STAG1: variants seen among roughly 807,000 people sequenced by gnomAD.
The protein encoded by STAG1 is STAG1 cohesin complex component.
A neutral mutation model predicts 170.9 loss-of-function variants in STAG1; 26 were observed. That is an observed-to-expected ratio of 0.15 (90% CI 0.11 to 0.21). The LOEUF (loss-of-function observed/expected upper bound fraction) is 0.21, where lower values mean the gene tolerates loss of function less well. Ranked by LOEUF, STAG1 falls within the 10% of genes least tolerant of loss-of-function variation. The pLI is 1.00. For missense variants in STAG1, 964 were observed against 1,509.5 expected (o/e 0.64, Z 5.99); for synonymous variants, 514 against 497.7 (o/e 1.03, Z -0.44).
intron 7 of STAG1, among the ~76,000 whole-genome samples, chr3:136,515,693 A>T (rs1934338212): frequency 6.6e-6 from 1 of 152,206 alleles, no homozygotes; most frequent in Non-Finnish European, 1.5e-5. Flanking sequence ...ATAGAACGTA[A>T]AAGACAATAA....
chr3:136,463,816 C>T (rs1174336809), intron 13 of STAG1, among the ~76,000 whole-genome samples: 1 of 138,062 alleles, frequency 7.2e-6, no homozygotes, highest in Non-Finnish European at 1.5e-5. Flanking sequence ...CATATATACA[C>T]ATATATTCAT....
intron 14 of STAG1, among the ~76,000 whole-genome samples, 187 bp downstream of exon 14, chr3:136,451,846 A>G (rs1406996481): frequency 6.6e-6 from 1 of 152,106 alleles, no homozygotes; most frequent in East Asian, 1.9e-4. Flanking sequence ...GTTGATCCAC[A>G]CCTACATATA....
intron 21 of STAG1, among the ~76,000 whole-genome samples, chr3:136,400,079 C>T (rs1179773314): frequency 6.6e-6 from 1 of 151,826 alleles, no homozygotes; most frequent in Admixed American, 6.6e-5. Flanking sequence ...TGCACCACCA[C>T]ATCTGGTTAA....
At chr3:136,474,791 T>A (rs919206722) in intron 10 of STAG1, among the ~76,000 whole-genome samples, 1 of 152,250 alleles carries the variant, frequency 6.6e-6, no homozygotes, top group East Asian at 1.9e-4. Flanking sequence ...TTCTTCAGTG[T>A]CTGCCAGTGT....
chr3:136,650,686 A>ATCC (rs1941187450), intron 1 of STAG1, among the ~76,000 whole-genome samples: 1 of 152,222 alleles, frequency 6.6e-6, no homozygotes, highest in South Asian at 2.1e-4. Context: ...AGTGGTGGAA[A>ATCC]GGACAGAGCG....
At chr3:136,613,322 A>AAAAAAAAAAAAG (rs1939403292) in intron 3 of STAG1, among the ~76,000 whole-genome samples, 1 of 150,180 alleles carries the variant, frequency 6.7e-6, no homozygotes, top group South Asian at 2.1e-4. Context: ...TCAAAAAAAA[A>AAAAAAAAAAAAG]AAAAAAAAAA....
chr3:136,543,042 T>C (rs1050186377), intron 5 of STAG1, among the ~76,000 whole-genome samples: 3 of 152,130 alleles, frequency 2.0e-5, no homozygotes, highest in Non-Finnish European at 2.9e-5. Flanking sequence ...GAAAGATCTA[T>C]AGGATATATT....
At chr3:136,423,137 A>T (rs1246125794) in intron 16 of STAG1, 93 bp from the exon 17 acceptor site, 1 of 767,574 alleles carries the variant, frequency 1.3e-6, no homozygotes, top group Non-Finnish European at 2.0e-6. Context: ...AAATAATATA[A>T]CCACAAATTT....
intron 1 of STAG1, among the ~76,000 whole-genome samples, chr3:136,715,089 G>C (rs1004117771): frequency 2.1e-5 from 3 of 145,222 alleles, no homozygotes; most frequent in African/African-American, 7.6e-5. Flanking sequence ...GAAATACAAA[G>C]GGGCGCACAG....
chr3:136,638,280 C>T (rs781069539), intron 1 of STAG1, among the ~76,000 whole-genome samples: 3 of 151,826 alleles, frequency 2.0e-5, no homozygotes, highest in Non-Finnish European at 2.9e-5. Flanking sequence ...ATTACAATTA[C>T]CCACCACCAC....
At chr3:136,486,842 C>T (rs2090022831) in intron 9 of STAG1, among the ~76,000 whole-genome samples, 1 of 152,056 alleles carries the variant, frequency 6.6e-6, no homozygotes, top group Non-Finnish European at 1.5e-5. Context: ...TTTACGTCTT[C>T]AGCAGGGAAA....
intron 1 of STAG1, among the ~76,000 whole-genome samples, chr3:136,742,415 T>A (rs1278409425): frequency 1.7e-4 from 26 of 151,398 alleles, no homozygotes; most frequent in Admixed American, 1.7e-3. Flanking sequence ...TCCCAAATAT[T>A]GAAAATTAAA....
In STAG1 at chr3:136,363,444, A is replaced by G; in HGVS notation, c.2709T>C (p.Ile903=). The change falls in exon 26 of 34, where the codon ATT becomes ATC. Residue 903 remains isoleucine (I), a synonymous_variant. Coordinates refer to ENST00000383202, the MANE Select transcript of STAG1 (RefSeq NM_005862.3). The stretch of plus-strand genomic sequence containing the variant: ...TGGTTTTACTCAGTGTTTCCTTAAT[A>G]ATATCACCATAGTCATTGTAATACT... The part of the protein sequence containing the change: ...YMKYYNDYGD[I]IKETLSKTRQ... The G allele has an allele frequency of 1.3e-6, 2 of 1,576,940 alleles. No homozygotes were observed. The highest frequency in any genetic ancestry group is 1.7e-6 in the Non-Finnish European group (2 of 1,149,086).
chr3:136,367,177 A>T (rs1203934057), intron 24 of STAG1, 95 bp from the exon 25 acceptor site: 2 of 1,000,186 alleles, frequency 2.0e-6, no homozygotes, highest in Admixed American at 2.3e-5. Flanking sequence ...GCTTAATATT[A>T]TAACTTCACA....
At chr3:136,601,193 G>C (rs1938658701) in intron 4 of STAG1, among the ~76,000 whole-genome samples, 1 of 151,910 alleles carries the variant, frequency 6.6e-6, no homozygotes, top group African/African-American at 2.4e-5. Flanking sequence ...CAATAAAACT[G>C]GAAACAGTTC....
chr3:136,516,786 T>G (rs1934401324), intron 7 of STAG1, among the ~76,000 whole-genome samples: 1 of 152,234 alleles, frequency 6.6e-6, no homozygotes, highest in Admixed American at 6.5e-5. Flanking sequence ...CAAGCACTCC[T>G]AATCTCTTTT....
intron 22 of STAG1, among the ~76,000 whole-genome samples, chr3:136,381,038 A>AAG (rs1349890433): frequency 7.8e-6 from 1 of 127,714 alleles, no homozygotes; most frequent in Non-Finnish European, 1.6e-5. Flanking sequence ...AAAAAAAAAG[A>AAG]AAAAAAAAAA....
chr3:136,628,567 T>C (rs1181662041), intron 2 of STAG1, among the ~76,000 whole-genome samples: 1 of 152,210 alleles, frequency 6.6e-6, no homozygotes, highest in Non-Finnish European at 1.5e-5. Context: ...TCCCTTCTTC[T>C]TCTCCTAAAC....
At chr3:136,539,063 G>T (rs1935773731) in intron 6 of STAG1, among the ~76,000 whole-genome samples, 1 of 151,918 alleles carries the variant, frequency 6.6e-6, no homozygotes, top group African/African-American at 2.4e-5. Flanking sequence ...GAACCCAGGA[G>T]GCCGAGCTTG....
Sources: gnomAD v4.1 joint callset for allele counts (sites outside exome capture counted in the v4.1 genomes callset) on GRCh38, gnomAD v4.1.1 for gene constraint, MANE v1.5 for transcripts, NCBI Gene and HGNC (gene_info 2026-07-23, HGNC 2026-07-21) for gene names.